TRIO: variants seen among roughly 807,000 people sequenced by gnomAD.
TRIO encodes triple functional domain protein.
A neutral mutation model predicts 351.9 loss-of-function variants in TRIO; 58 were observed. That is an observed-to-expected ratio of 0.16 (90% CI 0.13 to 0.21). TRIO has a LOEUF of 0.21. Among genes scored for constraint, TRIO ranks in the 10% least tolerant of loss-of-function variants. The pLI is 1.00. For missense variants in TRIO, 3,201 were observed against 4,027.8 expected (o/e 0.79, Z 5.56); for synonymous variants, 1,758 against 1,595.7 (o/e 1.10, Z -2.42).
chr5:14,177,989 CATTTA>C (rs1789511443), intron 1 of TRIO, among the ~76,000 whole-genome samples: 1 of 152,096 alleles, frequency 6.6e-6, no homozygotes, highest in South Asian at 2.1e-4. Flanking sequence ...ATTTATTCAC[CATTTA>C]ATTTAATATT....
chr5:14,292,918 A>G, intron 5 of TRIO, 94 bp from the exon 6 acceptor site: 1 of 1,558,410 alleles, frequency 6.4e-7, no homozygotes, highest in Non-Finnish European at 8.7e-7. Context: ...CCAGGGAAGG[A>G]AGTTGCCCTT....
At chr5:14,256,564 C>A (rs1334519275) in intron 1 of TRIO, among the ~76,000 whole-genome samples, 1 of 152,168 alleles carries the variant, frequency 6.6e-6, no homozygotes, top group South Asian at 2.1e-4. Context: ...ATATACACAC[C>A]TTCTTACAGG....
At chr5:14,229,763 G>A (rs1793289514) in intron 1 of TRIO, among the ~76,000 whole-genome samples, 1 of 152,150 alleles carries the variant, frequency 6.6e-6, no homozygotes, top group African/African-American at 2.4e-5. Context: ...CACGAAAATA[G>A]CGCTTTAACT....
At chr5:14,297,469 T>C (rs531662674) in intron 7 of TRIO, 4 of 533,640 alleles carry the variant, frequency 7.5e-6, no homozygotes, top group Non-Finnish European at 1.3e-5. Flanking sequence ...CTCTCTGTTT[T>C]GTTTTTTCAT....
intron 1 of TRIO, among the ~76,000 whole-genome samples, chr5:14,160,968 C>T (rs779731845): frequency 3.9e-5 from 6 of 152,138 alleles, no homozygotes; most frequent in South Asian, 2.1e-4. Flanking sequence ...TGGAGTGCAG[C>T]GGTGTGATTT....
Position 14,383,323 on chromosome 5 carries a change from T to C in TRIO, c.3570+2071T>C, listed in dbSNP as rs193199422. Among the ~76,000 whole-genome samples the C allele has an allele frequency of 1.3e-3, 204 of 152,362 alleles. 1 individual carries two copies. Among genetic ancestry groups the C allele is most frequent in the Admixed American group, 3.0e-3 (46 of 15,308 alleles). On this transcript the variant is annotated intron_variant, in intron 21 of 56. Transcript: ENST00000344204. Reference sequence around the variant, plus strand: ...TTTAAGATTTGCCATCTTTCACCTCTGCTCCACTCTGCAGGCCATTGTGTA... The same window carrying C: ...TTTAAGATTTGCCATCTTTCACCTCCGCTCCACTCTGCAGGCCATTGTGTA...
At chr5:14,327,807 G>A (rs1257835217) in intron 9 of TRIO, among the ~76,000 whole-genome samples, 3 of 152,174 alleles carry the variant, frequency 2.0e-5, no homozygotes, top group East Asian at 1.9e-4. Flanking sequence ...TTGGCCTCAT[G>A]CCCAGGAGCA....
intron 52 of TRIO, 26 bp from the exon 53 acceptor site, chr5:14,498,493 G>T: frequency 1.2e-6 from 2 of 1,607,496 alleles, no homozygotes; most frequent in Non-Finnish European, 1.7e-6. Context: ...TTTCTGATGC[G>T]CAGTGTGTTC....
intron 28 of TRIO, among the ~76,000 whole-genome samples, chr5:14,394,520 G>T (rs925980230): frequency 3.3e-5 from 5 of 152,152 alleles, no homozygotes; most frequent in African/African-American, 1.2e-4. Flanking sequence ...ACTGTAAGGA[G>T]TGTGCCCAGA....
intron 31 of TRIO, 114 bp from the exon 32 acceptor site, chr5:14,405,734 T>G (rs942194769): frequency 2.1e-5 from 28 of 1,364,146 alleles, no homozygotes; most frequent in Non-Finnish European, 2.8e-5. Context: ...GCTTTTCTGC[T>G]AAAAAGTCAT....
At chr5:14,262,533 T>C (rs563112512) in intron 1 of TRIO, among the ~76,000 whole-genome samples, 1 of 152,254 alleles carries the variant, frequency 6.6e-6, no homozygotes, top group Non-Finnish European at 1.5e-5. Flanking sequence ...TGATGAGATA[T>C]TTGTTTGAGA....
At chr5:14,391,910 T>A (rs1579516116) in intron 27 of TRIO, among the ~76,000 whole-genome samples, 2 of 152,242 alleles carry the variant, frequency 1.3e-5, no homozygotes, top group African/African-American at 4.8e-5. Context: ...CATCACTGCC[T>A]TTGTTAATAG....
Position 14,359,496 on chromosome 5 carries a change from C to G in TRIO, c.2356C>G (p.Leu786Val). 1 of 1,614,246 alleles carries G rather than the reference C, an allele frequency of 6.2e-7. No homozygotes were observed. Among genetic ancestry groups the G allele is most frequent in the Non-Finnish European group, 8.5e-7 (1 of 1,180,026 alleles). Residue 786 changes from leucine to valine, a missense_variant, in exon 13 of 57, where the codon CTG becomes GTG. Physicochemically the swap from Leu to Val is conservative, Grantham distance 32. Around this residue, in one of 19 missense-constraint regions of TRIO, gnomAD observed 363 missense variants for 553.5 expected, o/e 0.66. Coordinates refer to ENST00000344204, the MANE Select transcript of TRIO (RefSeq NM_007118.4). Reference protein sequence around the residue: ...QERKIKLELFLQLRIFERDAI... With the variant: ...QERKIKLELFVQLRIFERDAI... ...GCGCAAGATCAAGCTGGAGCTCTTC[C>G]TGCAGCTGCGCATCTTCGAGAGGGA...
intron 46 of TRIO, among the ~76,000 whole-genome samples, chr5:14,484,122 A>G (rs1485500727): frequency 6.6e-6 from 1 of 152,156 alleles, no homozygotes; most frequent in Non-Finnish European, 1.5e-5. Context: ...CACTGCACCC[A>G]TCCCCTGAGA....
chr5:14,409,611 G>A (rs1383829400), intron 33 of TRIO, among the ~76,000 whole-genome samples: 3 of 152,046 alleles, frequency 2.0e-5, no homozygotes, highest in Non-Finnish European at 4.4e-5. Flanking sequence ...AAGGCGGGCA[G>A]ATCACGAGGT....
At chr5:14,146,957 A>G (rs1247574347) in intron 1 of TRIO, among the ~76,000 whole-genome samples, 1 of 152,150 alleles carries the variant, frequency 6.6e-6, no homozygotes, top group Non-Finnish European at 1.5e-5. Context: ...TTGATCACCT[A>G]TTTATAGACC....
chr5:14,272,047 G>A (rs1274654897), intron 2 of TRIO, among the ~76,000 whole-genome samples: 2 of 152,156 alleles, frequency 1.3e-5, no homozygotes, highest in Admixed American at 1.3e-4. Flanking sequence ...GGAAATACAT[G>A]GTGAAAAACA....
At chr5:14,333,242 T>G (rs1467671057) in intron 10 of TRIO, among the ~76,000 whole-genome samples, 1 of 152,178 alleles carries the variant, frequency 6.6e-6, no homozygotes, top group East Asian at 1.9e-4. Flanking sequence ...TTGTCTGTGT[T>G]TTGCTGTGTC....
intron 1 of TRIO, among the ~76,000 whole-genome samples, chr5:14,253,540 T>A (rs1338860743): frequency 6.6e-6 from 1 of 152,102 alleles, no homozygotes; most frequent in Non-Finnish European, 1.5e-5. Flanking sequence ...GGTTTCGCCA[T>A]GCTGCCCAGG....
Sources: gnomAD v4.1 joint callset for allele counts (sites outside exome capture counted in the v4.1 genomes callset) on GRCh38, gnomAD v4.1.1 for gene constraint, gnomAD v4.1.1 regional missense constraint, MANE v1.5 for transcripts, NCBI Gene and HGNC (gene_info 2026-07-23, HGNC 2026-07-21) for gene names.